Variants in RNLS observed in about 807,000 individuals in gnomAD.
The protein encoded by RNLS is renalase, FAD dependent amine oxidase.
A neutral mutation model predicts 39.8 loss-of-function variants in RNLS; 39 were observed. The observed-to-expected ratio is 0.98, with a 90% CI of 0.76 to 1.28. The LOEUF (loss-of-function observed/expected upper bound fraction) is 1.28, where lower values mean the gene tolerates loss of function less well. Ranked by LOEUF, RNLS falls within the 50% of genes most tolerant of loss-of-function variation. The probability of loss-of-function intolerance (pLI) is 0.00; values close to 1 mark genes in which losing one functional copy is unlikely to be tolerated. For missense variants in RNLS, 410 were observed against 413.3 expected, an observed-to-expected ratio of 0.99 and a Z score of 0.07; for synonymous variants, 147 against 150.7, an observed-to-expected ratio of 0.98 and a Z score of 0.18.
At chr10:88,381,111 CTT>C (rs1851461453) in intron 4 of RNLS, among the ~76,000 whole-genome samples, 2 of 152,190 alleles carry the variant, frequency 1.3e-5, no homozygotes, top group African/African-American at 4.8e-5. Flanking sequence ...CCAGAAATAT[CTT>C]TGCAGATTTT....
intron 5 of RNLS, among the ~76,000 whole-genome samples, chr10:88,348,895 T>C (rs1325773155): frequency 1.3e-5 from 2 of 152,144 alleles, no homozygotes; most frequent in East Asian, 1.9e-4. Flanking sequence ...TGAGTTAGCA[T>C]TCTATATATT....
At chr10:88,245,062 A>AGAAAAAAAGGG in the RNLS span, among the ~76,000 whole-genome samples, 7 of 152,204 alleles carry the variant, frequency 4.6e-5, no homozygotes, top group African/African-American at 1.7e-4. Flanking sequence ...AAGGGAGAGA[A>AGAAAAAAAGGG]GAAAAAAAGG....
intron 6 of RNLS, 85 bp downstream of exon 6, chr10:88,314,381 G>C (rs1446142927): frequency 7.5e-7 from 1 of 1,340,032 alleles, no homozygotes; most frequent in African/African-American, 1.5e-5. Context: ...TTTCACTAGA[G>C]AGTGCAAAGG....
intron 4 of RNLS, among the ~76,000 whole-genome samples, chr10:88,382,317 T>A (rs928035303): frequency 1.3e-5 from 2 of 152,152 alleles, no homozygotes; most frequent in African/African-American, 2.4e-5. Context: ...CATGACACTT[T>A]GGCTATGCTA....
intron 4 of RNLS, among the ~76,000 whole-genome samples, chr10:88,570,618 G>A (rs1319918556): frequency 1.3e-5 from 2 of 152,212 alleles, no homozygotes; most frequent in African/African-American, 4.8e-5. Flanking sequence ...CCAAGATGCT[G>A]CAATTCCCTA....
At chr10:88,212,345 T>C in the RNLS span, among the ~76,000 whole-genome samples, 1 of 152,174 alleles carries the variant, frequency 6.6e-6, no homozygotes, top group South Asian at 2.1e-4. Flanking sequence ...GTGTATGTAA[T>C]ACATATTTGT....
Position 88,544,889 on chromosome 10 carries a change from A to G in RNLS, c.526+28014T>C, listed in dbSNP as rs59252570. Reference sequence around the variant, plus strand: ...GTTTTGAGTTTGATTTTTTTCAACTAAAAGTTTGAAAGATGGTATATACCA... The same window carrying G: ...GTTTTGAGTTTGATTTTTTTCAACTGAAAGTTTGAAAGATGGTATATACCA... On this transcript the variant is annotated intron_variant, in intron 4 of 6. Coordinates refer to ENST00000331772, the MANE Select transcript of RNLS (RefSeq NM_001031709.3). Among the ~76,000 whole-genome samples, 192 of 152,292 alleles carry G rather than the reference A, an allele frequency of 1.3e-3. 2 individuals are homozygous for G. The highest frequency in any genetic ancestry group is 4.5e-3 in the African/African-American group (185 of 41,558).
chr10:88,434,953 G>T (rs1344919340), intron 4 of RNLS, among the ~76,000 whole-genome samples: 1 of 151,896 alleles, frequency 6.6e-6, no homozygotes, highest in Non-Finnish European at 1.5e-5. Context: ...AAGGGCTAGA[G>T]ATTTTGAATC....
the RNLS span, among the ~76,000 whole-genome samples, chr10:88,264,195 C>T: frequency 6.6e-6 from 1 of 151,992 alleles, no homozygotes; most frequent in Non-Finnish European, 1.5e-5. Flanking sequence ...TATATATATA[C>T]CACAATGTAT....
chr10:88,280,640 T>C (rs1209070970), downstream of RNLS, among the ~76,000 whole-genome samples: 1 of 152,160 alleles, frequency 6.6e-6, no homozygotes, highest in Non-Finnish European at 1.5e-5. Flanking sequence ...TCTCTACTGC[T>C]GTAGTGCAAA....
rs1564922442 is a variant in RNLS, at chr10:88,582,186, C to T, written c.224+16G>A. ...ACAACTGCTAAGATTGATTCCACTC[C>T]TTGCAACTAACTCACCGTTGGTGTT... On this transcript the variant is annotated intron_variant, in intron 2 of 6. Coordinates refer to ENST00000331772, the MANE Select transcript of RNLS (RefSeq NM_001031709.3). The T allele has an allele frequency of 1.3e-6, 2 of 1,593,202 alleles. No homozygotes were observed. Among genetic ancestry groups the T allele is most frequent in the South Asian group, 1.1e-5 (1 of 90,172 alleles).
chr10:88,178,223 G>T, the RNLS span, among the ~76,000 whole-genome samples: 7 of 152,152 alleles, frequency 4.6e-5, no homozygotes, highest in African/African-American at 1.7e-4. Context: ...GATGAATGTG[G>T]TAAGATGTCA....
chr10:88,295,941 C>A (rs767731799), intron 6 of RNLS, among the ~76,000 whole-genome samples: 1 of 152,182 alleles, frequency 6.6e-6, no homozygotes, highest in African/African-American at 2.4e-5. Context: ...GAATGAAATA[C>A]GGTTTTCTCT....
chr10:88,309,556 T>C (rs1845199524), intron 6 of RNLS: 2 of 890,458 alleles, frequency 2.2e-6, no homozygotes, highest in East Asian at 6.2e-5. Context: ...AGCAGTACTA[T>C]GGGTAACTGA....
intron 4 of RNLS, among the ~76,000 whole-genome samples, chr10:88,398,426 G>A (rs1295641037): frequency 6.6e-6 from 1 of 151,932 alleles, no homozygotes; most frequent in Non-Finnish European, 1.5e-5. Context: ...TAAAGAAGAT[G>A]GTTGAGGTTA....
At chr10:88,460,327 GAGA>G (rs1842876273) in intron 4 of RNLS, among the ~76,000 whole-genome samples, 1 of 152,118 alleles carries the variant, frequency 6.6e-6, no homozygotes, top group Non-Finnish European at 1.5e-5. Flanking sequence ...GAAATACAAA[GAGA>G]ATAGCTCTTG....
chr10:88,217,737 T>TAAAAA, the RNLS span, among the ~76,000 whole-genome samples: 698 of 22,450 alleles, frequency 0.031, 15 homozygotes, highest in African/African-American at 0.16. Context: ...TGCCTTCAAA[T>TAAAAA]GAAAAAAAAA....
intron 6 of RNLS, among the ~76,000 whole-genome samples, chr10:88,311,872 G>A (rs1845408474): frequency 6.6e-6 from 1 of 152,204 alleles, no homozygotes; most frequent in African/African-American, 2.4e-5. Flanking sequence ...CAACACCAGG[G>A]AAATCAGAAA....
the RNLS span, among the ~76,000 whole-genome samples, chr10:88,209,657 T>G: frequency 6.6e-6 from 1 of 152,102 alleles, no homozygotes; most frequent in African/African-American, 2.4e-5. Context: ...ACACAGAAAA[T>G]AAGTTGGATG....
Sources: allele counts gnomAD v4.1 joint callset (sites outside exome capture counted in the v4.1 genomes callset), GRCh38; gene constraint gnomAD v4.1.1; transcripts MANE v1.5; gene names NCBI Gene and HGNC (gene_info 2026-07-23, HGNC 2026-07-21).